The following PHKB variants were observed in gnomAD, a reference collection of about 807,000 sequenced individuals.
PHKB encodes the protein phosphorylase kinase regulatory subunit beta, also known as phosphorylase b kinase regulatory subunit beta.
PHKB carries 122 observed loss-of-function variants against 152.1 expected under a neutral mutation model. The ratio of observed to expected loss-of-function variants is 0.80; its 90% CI spans 0.69 to 0.93. The LOEUF is 0.93. PHKB is among the 40% of genes least tolerant of loss of function. PHKB has a pLI of 0.00. For missense variants in PHKB, 1,304 were observed against 1,328.4 expected, an observed-to-expected ratio of 0.98 and a Z score of 0.29; for synonymous variants, 436 against 464.9, an observed-to-expected ratio of 0.94 and a Z score of 0.80.
intron 4 of PHKB, 138 bp from the exon 5 acceptor site, chr16:47,511,527 A>T: frequency 1.5e-6 from 1 of 670,836 alleles, no homozygotes; most frequent in Non-Finnish European, 2.7e-6. Context: ...TTCTTGAGAA[A>T]AGGTAACGTT....
At chr16:47,544,359 C>T (rs1971119820) in intron 6 of PHKB, among the ~76,000 whole-genome samples, 1 of 152,174 alleles carries the variant, frequency 6.6e-6, no homozygotes, top group Non-Finnish European at 1.5e-5. Context: ...AGTAGTCATT[C>T]AGGAGCAGGT....
At chr16:47,671,453 T>C (rs1029413521) in intron 26 of PHKB, among the ~76,000 whole-genome samples, 1 of 152,190 alleles carries the variant, frequency 6.6e-6, no homozygotes, top group Non-Finnish European at 1.5e-5. Flanking sequence ...GTTTTCTTTC[T>C]TTTACATTTT....
chr16:47,569,015 G>A (rs1971614234), intron 7 of PHKB, among the ~76,000 whole-genome samples: 1 of 152,184 alleles, frequency 6.6e-6, no homozygotes, highest in Non-Finnish European at 1.5e-5. Context: ...AGAATGTTCT[G>A]TGAATGTCTG....
intron 1 of PHKB, among the ~76,000 whole-genome samples, chr16:47,493,042 G>C (rs1403198879): frequency 6.6e-6 from 1 of 152,186 alleles, no homozygotes; most frequent in Non-Finnish European, 1.5e-5. Flanking sequence ...CTCATAGATT[G>C]AATCCTAGGT....
At chr16:47,582,365 A>G (rs576685486) in intron 8 of PHKB, among the ~76,000 whole-genome samples, 1 of 152,276 alleles carries the variant, frequency 6.6e-6, no homozygotes, top group South Asian at 2.1e-4. Context: ...CCCATCTTTC[A>G]GTGCTCTACT....
intron 7 of PHKB, among the ~76,000 whole-genome samples, chr16:47,554,999 A>G (rs1971344176): frequency 1.3e-5 from 2 of 152,276 alleles, no homozygotes; most frequent in South Asian, 4.1e-4. Flanking sequence ...AGCTTTTTAA[A>G]GTGGTTTTAT....
chr16:47,465,402 C>T (rs1969650515), intron 1 of PHKB, among the ~76,000 whole-genome samples: 1 of 152,094 alleles, frequency 6.6e-6, no homozygotes, highest in Admixed American at 6.5e-5. Context: ...ATTTCTAAAC[C>T]CAAGAACTGT....
At chr16:47,620,888 T>C (rs1037131954) in intron 14 of PHKB, among the ~76,000 whole-genome samples, 3 of 150,800 alleles carry the variant, frequency 2.0e-5, no homozygotes, top group Non-Finnish European at 4.4e-5. Flanking sequence ...AAATAAAAAA[T>C]ATAAAAAAAA....
intron 20 of PHKB, 103 bp from the exon 21 acceptor site, chr16:47,660,403 A>G: frequency 1.1e-6 from 1 of 898,352 alleles, no homozygotes. Flanking sequence ...TTTTTAAGCA[A>G]TTTTTTGAAG....
At chr16:47,629,459 C>CA (rs1346792105) in intron 14 of PHKB, among the ~76,000 whole-genome samples, 2 of 151,832 alleles carry the variant, frequency 1.3e-5, no homozygotes, top group Non-Finnish European at 2.9e-5. Context: ...AAATGCAAAT[C>CA]AAAACCACAA....
At position 47,515,540 on chromosome 16, in the gene PHKB, A is replaced by G. The variant is rs1970580539; in HGVS notation, c.533A>G (p.Tyr178Cys). 4 of 1,477,492 alleles carry G rather than the reference A, an allele frequency of 2.7e-6. No homozygotes were observed. Among genetic ancestry groups the G allele is most frequent in the Non-Finnish European group, 2.8e-6 (3 of 1,055,974 alleles). 91.5% of individuals were successfully genotyped at this position (1,477,492 alleles called of 1,614,324 possible). A position where few individuals can be genotyped will look rare whatever the true frequency, so the allele number is the denominator to read the frequency against. ...GHLQINAVSL[Y>C]LLYLVEMISS... ...TTGCAGATAAATGCAGTGTCACTTT[A>G]TCTCCTTTACCTTGTGGAAATGATT... Residue 178 changes from tyrosine to cysteine, a missense_variant, in exon 6 of 31, where the codon TAT becomes TGT. By Grantham distance (194) the Tyr-to-Cys change is radical. Transcript: ENST00000323584.
intron 7 of PHKB, among the ~76,000 whole-genome samples, chr16:47,548,974 A>C (rs1971223682): frequency 6.6e-6 from 1 of 152,220 alleles, no homozygotes; most frequent in East Asian, 1.9e-4. Flanking sequence ...TTTAAATTAA[A>C]AGGACTTTCA....
intron 27 of PHKB, among the ~76,000 whole-genome samples, chr16:47,690,345 T>C (rs957666523): frequency 6.6e-6 from 1 of 152,172 alleles, no homozygotes; most frequent in Non-Finnish European, 1.5e-5. Context: ...TTACTCTTAG[T>C]ATGGGAAAGA....
At chr16:47,648,140 G>A (rs1046736995) in intron 16 of PHKB, among the ~76,000 whole-genome samples, 11 of 152,134 alleles carry the variant, frequency 7.2e-5, no homozygotes, top group Non-Finnish European at 1.5e-4. Context: ...ATTTTGGTGG[G>A]AAATACTTAA....
At chr16:47,477,785 G>A (rs2151631971) in intron 1 of PHKB, among the ~76,000 whole-genome samples, 1 of 152,224 alleles carries the variant, frequency 6.6e-6, no homozygotes, top group East Asian at 1.9e-4. Context: ...TTTCCCTGAA[G>A]AGAAAATGGA....
At chr16:47,529,345 A>ATTTTTTTTTTTT (rs759050927) in intron 6 of PHKB, 1 of 131,262 alleles carries the variant, frequency 7.6e-6, no homozygotes, top group African/African-American at 3.0e-5. Flanking sequence ...TTAAAAAATA[A>ATTTTTTTTTTTT]TTTTTTTTTT....
chr16:47,597,984 G>A (rs1972153361), intron 13 of PHKB: 1 of 151,562 alleles, frequency 6.6e-6, no homozygotes, highest in Non-Finnish European at 1.5e-5. Flanking sequence ...TAATTTGAAG[G>A]TTTTCAAATA....
intron 14 of PHKB, among the ~76,000 whole-genome samples, chr16:47,631,946 G>T (rs1021600469): frequency 1.3e-5 from 2 of 152,284 alleles, no homozygotes; most frequent in Middle Eastern, 3.4e-3. Flanking sequence ...GAGGAAGTCA[G>T]TGTGGCTATT....
At chr16:47,527,917 C>T (rs1005599625) in intron 6 of PHKB, among the ~76,000 whole-genome samples, 2 of 152,160 alleles carry the variant, frequency 1.3e-5, no homozygotes, top group Non-Finnish European at 2.9e-5. Context: ...TCAGGAGAAA[C>T]CAGACCTGCC....
Sources: gnomAD v4.1 joint callset for allele counts (sites outside exome capture counted in the v4.1 genomes callset) on GRCh38, gnomAD v4.1.1 for gene constraint, MANE v1.5 for transcripts, NCBI Gene and HGNC (gene_info 2026-07-23, HGNC 2026-07-21) for gene names.